Variants in ARHGAP10 observed in about 807,000 individuals in gnomAD.
ARHGAP10 encodes Rho GTPase activating protein 10, also known as rho GTPase-activating protein 10.
Under a neutral mutation model 108.6 loss-of-function variants are expected in ARHGAP10, and 87 were observed. That is an observed-to-expected ratio of 0.80 (90% CI 0.67 to 0.96). The LOEUF is 0.96. ARHGAP10 is among the 40% of genes least tolerant of loss of function. The pLI is 0.00. For synonymous variants in ARHGAP10, 347 were observed against 341.1 expected (o/e 1.02, Z -0.19); for missense variants, 939 against 954.5 (o/e 0.98, Z 0.21).
intron 17 of ARHGAP10, among the ~76,000 whole-genome samples, chr4:147,966,120 G>T (rs1218333830): frequency 6.6e-6 from 1 of 152,236 alleles, no homozygotes; most frequent in Non-Finnish European, 1.5e-5. Flanking sequence ...TTACAAAGGT[G>T]CTACGCAGTC....
rs901493854 is a variant in ARHGAP10, at chr4:147,966,283, C to T, written c.1557-397C>T. The stretch of plus-strand genomic sequence containing the variant: ...CTGCATGGGCAGATTCAACCAGCTA[C>T]TGATCAAAAATCCAGTATTCCCTGT... On this transcript the variant is annotated intron_variant, in intron 17 of 22. Coordinates refer to ENST00000336498, the MANE Select transcript of ARHGAP10 (RefSeq NM_024605.4). 2.0e-5 allele frequency among the ~76,000 whole-genome samples: 3 copies of T among 152,332 alleles called. No individual in the cohort carries two copies. In the East Asian group the frequency reaches 5.8e-4, roughly 29 times the overall value.
chr4:147,876,509 C>T (rs1053693906), intron 8 of ARHGAP10, among the ~76,000 whole-genome samples: 3 of 152,064 alleles, frequency 2.0e-5, no homozygotes, highest in South Asian at 4.2e-4. Flanking sequence ...AGGAGAATGG[C>T]GTGAACCTGG....
chr4:147,803,487 A>G (rs1604785), intron 1 of ARHGAP10, among the ~76,000 whole-genome samples: 112,723 of 152,188 alleles, frequency 0.74, 47,763 homozygotes, highest in Non-Finnish European at 0.93. Context: ...ATTTTGAAAT[A>G]TTTTTAATTA....
chr4:147,911,297 A>G (rs1007062827), intron 12 of ARHGAP10, among the ~76,000 whole-genome samples: 1 of 152,176 alleles, frequency 6.6e-6, no homozygotes, highest in African/African-American at 2.4e-5. Flanking sequence ...TCTGAGAGCC[A>G]AGGATTAGTG....
At chr4:147,921,615 G>T (rs1349878998) in intron 13 of ARHGAP10, among the ~76,000 whole-genome samples, 1 of 152,150 alleles carries the variant, frequency 6.6e-6, no homozygotes, top group Non-Finnish European at 1.5e-5. Context: ...GTTGAGGGAA[G>T]AAATAACAAA....
intron 20 of ARHGAP10, among the ~76,000 whole-genome samples, chr4:148,060,585 T>A (rs1412268248): frequency 6.6e-6 from 1 of 152,220 alleles, no homozygotes; most frequent in African/African-American, 2.4e-5. Flanking sequence ...TGCACAGGTC[T>A]CTTCTTTCAC....
At chr4:147,789,178 T>A (rs543058179) in intron 1 of ARHGAP10, among the ~76,000 whole-genome samples, 1 of 152,338 alleles carries the variant, frequency 6.6e-6, no homozygotes, top group South Asian at 2.1e-4. Context: ...CGTGGAGAAG[T>A]CAATTCAACT....
intron 7 of ARHGAP10, among the ~76,000 whole-genome samples, chr4:147,873,932 C>T (rs1734953861): frequency 2.0e-5 from 3 of 151,642 alleles, no homozygotes; most frequent in Admixed American, 2.0e-4. Flanking sequence ...CGAGAGGGAA[C>T]CTAGCCGTCA....
intron 3 of ARHGAP10, among the ~76,000 whole-genome samples, chr4:147,841,763 G>C (rs774970587): frequency 6.6e-6 from 1 of 152,032 alleles, no homozygotes; most frequent in African/African-American, 2.4e-5. Context: ...ATAAAATCAG[G>C]CTTTGCTAAA....
intron 4 of ARHGAP10, among the ~76,000 whole-genome samples, chr4:147,847,486 A>G (rs1733683609): frequency 1.3e-5 from 2 of 152,132 alleles, no homozygotes; most frequent in South Asian, 4.1e-4. Context: ...CAAACAACAC[A>G]TTTGCTCTGA....
At chr4:147,977,916 G>A (rs757467613) in intron 18 of ARHGAP10, among the ~76,000 whole-genome samples, 1 of 151,692 alleles carries the variant, frequency 6.6e-6, no homozygotes, top group Non-Finnish European at 1.5e-5. Context: ...GTAGTAGTTC[G>A]TTTTCTGTTT....
intron 1 of ARHGAP10, among the ~76,000 whole-genome samples, chr4:147,784,970 TA>T (rs1730821070): frequency 7.5e-6 from 1 of 132,708 alleles, no homozygotes; most frequent in African/African-American, 2.8e-5. Flanking sequence ...TATTATGAAA[TA>T]TGTTATATTT....
At chr4:147,989,395 A>G (rs2149634271) in intron 18 of ARHGAP10, among the ~76,000 whole-genome samples, 1 of 152,338 alleles carries the variant, frequency 6.6e-6, no homozygotes, top group African/African-American at 2.4e-5. Flanking sequence ...TCTGACCAAA[A>G]TTTATTAGGC....
chr4:148,003,261 T>A (rs932413586), intron 18 of ARHGAP10, among the ~76,000 whole-genome samples: 2 of 152,254 alleles, frequency 1.3e-5, no homozygotes, highest in Non-Finnish European at 2.9e-5. Context: ...CTAGTTTGCT[T>A]GCACTGTGGT....
intron 19 of ARHGAP10, among the ~76,000 whole-genome samples, chr4:148,033,434 A>T (rs905340240): frequency 1.3e-5 from 2 of 152,242 alleles, no homozygotes; most frequent in African/African-American, 2.4e-5. Context: ...TCTCACTTTT[A>T]AAGGAAAACC....
In ARHGAP10 at chr4:148,063,842, GAC is replaced by G. The variant is rs112381182; in HGVS notation, c.2180+546_2180+547del. ...ATGGTTTCCGTCCTTTCCATGAACG[GAC>G]ACAGAGGTTGCTTTAACAAATGGTG... On this transcript the variant is annotated intron_variant, in intron 21 of 22. Coordinates refer to ENST00000336498, the MANE Select transcript of ARHGAP10 (RefSeq NM_024605.4). Among the ~76,000 whole-genome samples the G allele has an allele frequency of 1.2e-4, 19 of 152,326 alleles. 1 individual carries two copies. The highest frequency in any genetic ancestry group is 4.6e-4 in the African/African-American group (19 of 41,580).
At chr4:147,970,957 G>A (rs1044826055) in intron 18 of ARHGAP10, among the ~76,000 whole-genome samples, 29 of 152,050 alleles carry the variant, frequency 1.9e-4, no homozygotes, top group African/African-American at 6.3e-4. Context: ...GCCAGGCGTG[G>A]TGGCGGGCAC....
intron 19 of ARHGAP10, among the ~76,000 whole-genome samples, chr4:148,044,312 T>C (rs1306008212): frequency 6.6e-6 from 1 of 152,120 alleles, no homozygotes; most frequent in Non-Finnish European, 1.5e-5. Context: ...TTCCCCAAAG[T>C]TGCTTCTCAT....
At chr4:147,849,815 T>G (rs1359665457) in intron 4 of ARHGAP10, among the ~76,000 whole-genome samples, 1 of 152,224 alleles carries the variant, frequency 6.6e-6, no homozygotes, top group African/African-American at 2.4e-5. Context: ...TATGCTCTCC[T>G]TGAGCCCTAT....
Sources: gnomAD v4.1 joint callset for allele counts (sites outside exome capture counted in the v4.1 genomes callset) on GRCh38, gnomAD v4.1.1 for gene constraint, MANE v1.5 for transcripts, NCBI Gene and HGNC (gene_info 2026-07-23, HGNC 2026-07-21) for gene names.